Variants in PRSS57 observed in about 807,000 individuals in gnomAD.
PRSS57 encodes neutrophil serine protease 4.
A neutral mutation model predicts 20.6 loss-of-function variants in PRSS57; 19 were observed. The ratio of observed to expected loss-of-function variants is 0.92; its 90% CI spans 0.64 to 1.35. PRSS57 has a LOEUF of 1.35. Among genes scored for constraint, PRSS57 ranks in the 40% most tolerant of loss-of-function variants. PRSS57 has a pLI of 0.00. For synonymous variants in PRSS57, 203 were observed against 176.6 expected (o/e 1.15, Z -1.19); for missense variants, 440 against 403.7 (o/e 1.09, Z -0.77).
intron 2 of PRSS57, among the ~76,000 whole-genome samples, chr19:693,604 T>C (rs1432656353): frequency 2.0e-5 from 3 of 152,178 alleles, no homozygotes; most frequent in Non-Finnish European, 4.4e-5. Context: ...AATCTCACTC[T>C]TTCCCCTAGG....
chr19:695,040 G>A (rs2031752818), intron 1 of PRSS57, 73 bp from the exon 2 acceptor site: 2 of 1,376,056 alleles, frequency 1.5e-6, no homozygotes, highest in Non-Finnish European at 1.9e-6. Context: ...AGGGCAGGGG[G>A]AGAAGTAGCG....
intron 3 of PRSS57, chr19:691,156 C>A: frequency 4.8e-6 from 1 of 207,372 alleles, no homozygotes; most frequent in Non-Finnish European, 1.0e-5. Flanking sequence ...CGCCCGGCTC[C>A]AGCTGTGGTT....
At chr19:686,779 A>C (rs746443612) in intron 4 of PRSS57, 146 bp downstream of exon 4, 1 of 1,030,866 alleles carries the variant, frequency 9.7e-7, no homozygotes, top group Admixed American at 2.6e-5. Context: ...ACCCTTGCCA[A>C]CTCCCTGCCT....
Position 687,243 on chromosome 19 carries a change from GCCTCAGTTTATCCATGGGACCCCTGGT to G in PRSS57, c.379-82_379-56del, listed in dbSNP as rs1202069246. 2.1e-6 allele frequency: 3 copies of G among 1,438,896 alleles called. No individual in the cohort carries two copies. In the East Asian group the frequency reaches 7.7e-5, roughly 37 times the overall value. The allele number at this position is 1,438,896 out of a possible 1,614,324, so 89.1% of individuals were successfully genotyped here. On this transcript the variant is annotated intron_variant, in intron 3 of 4. Coordinates refer to ENST00000329267, the MANE Select transcript of PRSS57 (RefSeq NM_001308209.2). ...GGGCTCCCTCCCCACCCCCGCTCCT[GCCTCAGTTTATCCATGGGACCCCTGGT>G]CCTGCCCTTGTGAAGCAAAATCAAT... is the stretch of plus-strand genomic sequence containing the variant.
At chr19:693,775 TG>T (rs901385270) in intron 2 of PRSS57, among the ~76,000 whole-genome samples, 39 of 152,192 alleles carry the variant, frequency 2.6e-4, no homozygotes, top group Admixed American at 4.6e-4. Flanking sequence ...AGTCTCGCTC[TG>T]TCCCCCAGGC....
Position 694,814 on chromosome 19 carries a change from C to T in PRSS57, c.233G>A (p.Arg78Lys). 2 of 1,606,268 alleles carry T rather than the reference C, an allele frequency of 1.2e-6. No individual in the cohort carries two copies. The highest frequency in any genetic ancestry group is 2.3e-5 in the East Asian group (1 of 44,230). ...VVSAAHCFSH[R>K]DLRTGLVVLG... ...GAAGGGGCCCGACAGGTGAGCTCAC[C>T]TGTGGCTGAAGCAGTGGGCGGCCGA... is the stretch of plus-strand genomic sequence containing the variant. Residue 78 changes from arginine to lysine, a missense_variant and splice_region_variant, in exon 2 of 5, where the codon AGA (arginine) becomes AAA (lysine). Transcript: ENST00000329267.
chr19:685,985 G>T (rs62131270), intron 4 of PRSS57, 63 bp from the exon 5 acceptor site: 131 of 1,372,570 alleles, frequency 9.5e-5, no homozygotes, highest in Non-Finnish European at 1.2e-4. Flanking sequence ...ATCTCACCAC[G>T]GCCCTCCCTG....
chr19:688,724 G>A (rs139586358), intron 3 of PRSS57, among the ~76,000 whole-genome samples: 3,131 of 151,716 alleles, frequency 0.021, 115 homozygotes, highest in African/African-American at 0.073. Flanking sequence ...TCAGCCTCCC[G>A]AGTAGCTGGG....
intron 3 of PRSS57, among the ~76,000 whole-genome samples, chr19:688,125 A>G (rs2031528663): frequency 6.6e-6 from 1 of 152,210 alleles, no homozygotes; most frequent in African/African-American, 2.4e-5. Flanking sequence ...GCTGATGCTC[A>G]GTTAATGGGC....
At chr19:693,176 C>G (rs1053241471) in intron 2 of PRSS57, among the ~76,000 whole-genome samples, 1 of 151,100 alleles carries the variant, frequency 6.6e-6, no homozygotes, top group African/African-American at 2.4e-5. Flanking sequence ...CGTGATCCGC[C>G]TGCCTCGGCC....
At chr19:691,476 G>GC (rs1292568400) in intron 3 of PRSS57, among the ~76,000 whole-genome samples, 1 of 146,620 alleles carries the variant, frequency 6.8e-6, no homozygotes, top group African/African-American at 2.5e-5. Flanking sequence ...TTGCACTCCA[G>GC]CCCCCGTGAC....
Position 694,977 on chromosome 19 carries a change from G to A in PRSS57, c.80-10C>T. Reference sequence around the variant, plus strand: ...TGGGCCCCCCAGGAGCCTGCTGGAGGGACGGCCTGAGTCAGGGACGAGGCG... The same window carrying A: ...TGGGCCCCCCAGGAGCCTGCTGGAGAGACGGCCTGAGTCAGGGACGAGGCG... On this transcript the variant is annotated splice_polypyrimidine_tract_variant and intron_variant, in intron 1 of 4. Transcript: ENST00000329267. The A allele has an allele frequency of 2.6e-6, 4 of 1,523,834 alleles. No homozygotes were observed. In the East Asian group the frequency reaches 7.2e-5, roughly 27 times the overall value. The allele number at this position is 1,523,834 out of a possible 1,614,324, so 94.4% of individuals were successfully genotyped here. A position where few individuals can be genotyped will look rare whatever the true frequency, so the allele number is the denominator to read the frequency against.
chr19:692,675 C>G (rs113910653), intron 2 of PRSS57, among the ~76,000 whole-genome samples: 3 of 151,694 alleles, frequency 2.0e-5, no homozygotes, highest in African/African-American at 7.2e-5. Context: ...CCTCGGCCTC[C>G]CAAAGTGCTG....
intron 3 of PRSS57, 119 bp from the exon 4 acceptor site, chr19:687,307 T>G: frequency 8.2e-7 from 1 of 1,213,540 alleles, no homozygotes; most frequent in East Asian, 2.7e-5. Flanking sequence ...GCGGCCACCA[T>G]GAGGCCGGGT....
chr19:694,746 C>T, intron 2 of PRSS57, 68 bp downstream of exon 2: 3 of 1,495,364 alleles, frequency 2.0e-6, no homozygotes, highest in Non-Finnish European at 2.7e-6. Flanking sequence ...AGCTCCCCCA[C>T]CAGCCTGGAG....
At chr19:686,643 G>T (rs2031481454) in intron 4 of PRSS57, among the ~76,000 whole-genome samples, 1 of 152,118 alleles carries the variant, frequency 6.6e-6, no homozygotes, top group Admixed American at 6.6e-5. Context: ...CAAGGTTTTA[G>T]GAGTGGGAGC....
In PRSS57 at chr19:695,002, G is replaced by T. The variant is rs78743093; in HGVS notation, c.80-35C>A. 4.8e-3 allele frequency: 7,195 copies of T among 1,489,244 alleles called. 179 individuals carry two copies. In the African/African-American group the frequency reaches 0.057, roughly 12 times the overall value. The allele number at this position is 1,489,244 out of a possible 1,614,324, so 92.3% of individuals were successfully genotyped here. A position where few individuals can be genotyped will look rare whatever the true frequency, so the allele number is the denominator to read the frequency against. On this transcript the variant is annotated intron_variant, in intron 1 of 4. Transcript: ENST00000329267. ...GGACGGCCTGAGTCAGGGACGAGGC[G>T]GGAGGAACGGATGACGGGGCTGGGG...
chr19:693,179 C>G (rs2031695738), intron 2 of PRSS57, among the ~76,000 whole-genome samples: 1 of 151,160 alleles, frequency 6.6e-6, no homozygotes, highest in Non-Finnish European at 1.5e-5. Flanking sequence ...GATCCGCCTG[C>G]CTCGGCCTCC....
intron 3 of PRSS57, chr19:691,150 C>G: frequency 4.8e-6 from 1 of 208,778 alleles, no homozygotes; most frequent in Non-Finnish European, 1.0e-5. Flanking sequence ...TGCAGACGCC[C>G]GGCTCCAGCT....
Sources: gnomAD v4.1 joint callset for allele counts (sites outside exome capture counted in the v4.1 genomes callset) on GRCh38, gnomAD v4.1.1 for gene constraint, MANE v1.5 for transcripts, NCBI Gene and HGNC (gene_info 2026-07-23, HGNC 2026-07-21) for gene names.